Variants in TMEM74 observed in about 807,000 individuals in gnomAD.
The protein encoded by TMEM74 is transmembrane protein 74.
TMEM74 carries 13 observed loss-of-function variants against 18.1 expected under a neutral mutation model. The ratio of observed to expected loss-of-function variants is 0.72; its 90% confidence interval spans 0.47 to 1.14. The LOEUF is 1.14. Ranked by LOEUF, TMEM74 falls within the 50% of genes most tolerant of loss-of-function variation. The pLI is 0.00. For missense variants in TMEM74, 372 were observed against 375.9 expected (o/e 0.99, Z 0.09); for synonymous variants, 159 against 146.6 (o/e 1.08, Z -0.61).
chr8:108,640,638 A>T (rs1563738240), intron 2 of TMEM74, among the ~76,000 whole-genome samples: 1 of 151,488 alleles, frequency 6.6e-6, no homozygotes, highest in East Asian at 1.9e-4. Context: ...AGATTAGCAA[A>T]TTTTTTTTTG....
intron 1 of TMEM74, among the ~76,000 whole-genome samples, chr8:108,738,266 C>T (rs1427063580): frequency 6.6e-6 from 1 of 152,108 alleles, no homozygotes; most frequent in Non-Finnish European, 1.5e-5. Context: ...ATACCTCCAC[C>T]TAGGATGTAT....
intron 2 of TMEM74, among the ~76,000 whole-genome samples, chr8:108,643,505 A>G (rs1052963030): frequency 6.6e-6 from 1 of 152,104 alleles, no homozygotes; most frequent in Non-Finnish European, 1.5e-5. Context: ...ATTTTTTGCC[A>G]CACATATTTT....
intron 2 of TMEM74, among the ~76,000 whole-genome samples, chr8:108,611,855 C>A (rs758372251): frequency 7.2e-5 from 11 of 152,044 alleles, no homozygotes; most frequent in Non-Finnish European, 1.6e-4. Context: ...GAAATACCAA[C>A]GACTGGGTAA....
chr8:108,607,049 G>A (rs778596763), exon 4 of TMEM74: 19 of 152,252 alleles, frequency 1.2e-4, no homozygotes, highest in Non-Finnish European at 2.1e-4. Flanking sequence ...GCAACTCACC[G>A]TCCAGAGCCT....
chr8:108,689,223 T>C (rs533835056), intron 1 of TMEM74, among the ~76,000 whole-genome samples: 7 of 152,156 alleles, frequency 4.6e-5, no homozygotes, highest in Non-Finnish European at 8.8e-5. Context: ...TGAAGACTAG[T>C]AGGAAAGCTA....
chr8:108,755,975 G>A (rs564140638), intron 1 of TMEM74, among the ~76,000 whole-genome samples: 114 of 151,994 alleles, frequency 7.5e-4, no homozygotes, highest in African/African-American at 2.3e-3. Context: ...CTTATTTTAC[G>A]TTTGCCATTC....
intron 2 of TMEM74, among the ~76,000 whole-genome samples, chr8:108,631,830 G>C (rs1178921319): frequency 6.6e-6 from 1 of 151,884 alleles, no homozygotes; most frequent in African/African-American, 2.4e-5. Context: ...AAATAGAAAT[G>C]TTTCTACTTT....
chr8:108,649,687 T>C (rs1469684263), intron 2 of TMEM74, among the ~76,000 whole-genome samples: 2 of 152,170 alleles, frequency 1.3e-5, no homozygotes, highest in African/African-American at 4.8e-5. Flanking sequence ...TATCTAACCC[T>C]GCACTGTCTA....
chr8:108,637,637 A>G (rs1284036453), intron 2 of TMEM74, among the ~76,000 whole-genome samples: 1 of 152,160 alleles, frequency 6.6e-6, no homozygotes, highest in Non-Finnish European at 1.5e-5. Context: ...AGGAATACAG[A>G]TGGTATGGAA....
intron 1 of TMEM74, among the ~76,000 whole-genome samples, chr8:108,695,942 C>T (rs1484054480): frequency 6.6e-6 from 1 of 152,150 alleles, no homozygotes; most frequent in African/African-American, 2.4e-5. Flanking sequence ...GGTGCCTGTG[C>T]TCTGCCCTCT....
At chr8:108,628,227 A>G (rs893835861) in intron 2 of TMEM74, among the ~76,000 whole-genome samples, 13 of 152,012 alleles carry the variant, frequency 8.6e-5, no homozygotes, top group Non-Finnish European at 1.6e-4. Flanking sequence ...ATCTGGTTAG[A>G]GGCTATAGAG....
intron 1 of TMEM74, among the ~76,000 whole-genome samples, chr8:108,707,746 G>A (rs987793293): frequency 1.3e-5 from 2 of 152,056 alleles, no homozygotes; most frequent in Non-Finnish European, 2.9e-5. Flanking sequence ...AATCTTAGAA[G>A]GAAACATAGG....
intron 1 of TMEM74, among the ~76,000 whole-genome samples, chr8:108,708,905 T>G (rs1813446783): frequency 7.5e-6 from 1 of 133,794 alleles, no homozygotes; most frequent in African/African-American, 2.9e-5. Context: ...GGCAAACAAA[T>G]GGACCACAGG....
intron 2 of TMEM74, among the ~76,000 whole-genome samples, chr8:108,638,115 G>A (rs901922209): frequency 7.9e-5 from 12 of 152,142 alleles, no homozygotes; most frequent in African/African-American, 2.4e-4. Flanking sequence ...AGAACTGTGG[G>A]AAGGGCCAGT....
chr8:108,756,593 AAAG>A (rs1563543570), intron 1 of TMEM74, among the ~76,000 whole-genome samples: 19 of 108,742 alleles, frequency 1.7e-4, no homozygotes, highest in African/African-American at 8.5e-4. Flanking sequence ...AGAAAGAAAG[AAAG>A]AGAAAGGAAG....
intron 2 of TMEM74, among the ~76,000 whole-genome samples, chr8:108,625,921 C>G (rs1812488996): frequency 1.3e-5 from 2 of 151,936 alleles, no homozygotes; most frequent in South Asian, 4.1e-4. Context: ...GTAGGTCAAG[C>G]AAACTTCATA....
intron 1 of TMEM74, among the ~76,000 whole-genome samples, chr8:108,698,318 T>C (rs1293176573): frequency 1.3e-5 from 2 of 152,234 alleles, no homozygotes; most frequent in Non-Finnish European, 1.5e-5. Context: ...ACTATTAGAC[T>C]GGATAGAAAT....
chr8:108,622,839 T>G (rs1812456837), intron 2 of TMEM74, among the ~76,000 whole-genome samples: 1 of 152,120 alleles, frequency 6.6e-6, no homozygotes, highest in Non-Finnish European at 1.5e-5. Flanking sequence ...TTAAAATTCT[T>G]TTCCCCTTTC....
chr8:108,610,092 CA>C (rs1175935679), intron 2 of TMEM74, among the ~76,000 whole-genome samples: 5 of 152,294 alleles, frequency 3.3e-5, no homozygotes, highest in African/African-American at 1.2e-4. Context: ...ATCCCCTACC[CA>C]AAGATTTTGA....
Sources: allele counts gnomAD v4.1 joint callset (sites outside exome capture counted in the v4.1 genomes callset), GRCh38; gene constraint gnomAD v4.1.1; transcripts MANE v1.5; gene names NCBI Gene and HGNC (gene_info 2026-07-23, HGNC 2026-07-21).